FLT4: variants seen among roughly 807,000 people sequenced by gnomAD.
FLT4 encodes vascular endothelial growth factor receptor 3.
FLT4 carries 30 observed loss-of-function variants against 163.2 expected under a neutral mutation model. The observed-to-expected ratio is 0.18, with a 90% confidence interval of 0.14 to 0.25. The LOEUF (loss-of-function observed/expected upper bound fraction) is 0.25. Ranked by LOEUF, FLT4 falls within the 10% of genes least tolerant of loss-of-function variation. The pLI is 1.00. For missense variants in FLT4, 1,510 were observed against 1,863.8 expected (o/e 0.81, Z 3.50); for synonymous variants, 884 against 789.5 (o/e 1.12, Z -2.01).
chr5:180,649,692 TC>T (rs1258870641), upstream of FLT4: 39 of 229,904 alleles, frequency 1.7e-4, no homozygotes, highest in East Asian at 5.2e-3. Context: ...CGCGCCCCCC[TC>T]CCCCCGTCCC....
chr5:180,616,676 G>T (rs922597114), intron 22 of FLT4, among the ~76,000 whole-genome samples, 187 bp from the exon 23 acceptor site: 1 of 152,176 alleles, frequency 6.6e-6, no homozygotes, highest in Non-Finnish European at 1.5e-5. Context: ...GAATTGTGGG[G>T]ACAGCAGAGA....
intron 1 of FLT4, among the ~76,000 whole-genome samples, chr5:180,637,941 T>A (rs567223023): frequency 3.3e-5 from 5 of 152,344 alleles, no homozygotes; most frequent in African/African-American, 1.2e-4. Context: ...CTGTCCCCTC[T>A]GCTAGTCTCC....
intron 29 of FLT4, among the ~76,000 whole-genome samples, chr5:180,603,591 G>A (rs1452195098): frequency 1.3e-5 from 2 of 152,128 alleles, no homozygotes; most frequent in East Asian, 1.9e-4. Context: ...GCACGCCTGC[G>A]GTCCCAGCTA....
Position 180,614,117 on chromosome 5 carries a change from C to T in FLT4, c.3282G>A (p.Gln1094=), listed in dbSNP as rs769605875. 1.5e-5 allele frequency: 25 copies of T among 1,614,116 alleles called. No individual in the cohort carries two copies. Among genetic ancestry groups the T allele is most frequent in the Non-Finnish European group, 2.1e-5 (25 of 1,179,952 alleles). ...ESIFDKVYTT[Q]SDVWSFGVLL... ...GCACCCCAAAGGACCACACGTCACT[C>T]TGCGTGGTGTACACCTTGTCGAAGA... The change falls in exon 24 of 30, where the codon CAG becomes CAA. Residue 1094 remains glutamine, a synonymous_variant. Coordinates refer to ENST00000261937, the MANE Select transcript of FLT4 (RefSeq NM_182925.5).
chr5:180,624,787 T>G (rs1763470480), intron 10 of FLT4, among the ~76,000 whole-genome samples: 1 of 152,230 alleles, frequency 6.6e-6, no homozygotes, highest in African/African-American at 2.4e-5. Context: ...GGCCTCCCTC[T>G]GGGCAGGGTG....
chr5:180,638,754 C>T (rs1249434349), intron 1 of FLT4, among the ~76,000 whole-genome samples: 1 of 152,226 alleles, frequency 6.6e-6, no homozygotes, highest in Non-Finnish European at 1.5e-5. Context: ...ACGGCCTCCT[C>T]ACCCCTACAA....
Position 180,601,925 on chromosome 5 carries a change from G to T in FLT4, c.*1267C>A. 1 of 233,668 alleles carries T rather than the reference G, an allele frequency of 4.3e-6. No homozygotes were observed. Among genetic ancestry groups the T allele is most frequent in the Middle Eastern group, 1.3e-3 (1 of 788 alleles). 14.5% of individuals were successfully genotyped at this position (233,668 alleles called of 1,614,324 possible). A position where few individuals can be genotyped will look rare whatever the true frequency, so the allele number is the denominator to read the frequency against. Reference sequence around the variant, plus strand: ...GTGCGTGGGTTTGGGGGGTCAGGGTGGTGGTCAGTCTCCGTGGTCCTAACG... The same window carrying T: ...GTGCGTGGGTTTGGGGGGTCAGGGTTGTGGTCAGTCTCCGTGGTCCTAACG... On this transcript the variant is annotated 3_prime_UTR_variant, in exon 30 of 30. Coordinates refer to ENST00000261937, the MANE Select transcript of FLT4 (RefSeq NM_182925.5).
intron 1 of FLT4, among the ~76,000 whole-genome samples, chr5:180,634,228 G>A (rs1461988364): frequency 1.3e-5 from 2 of 152,138 alleles, no homozygotes; most frequent in African/African-American, 2.4e-5. Flanking sequence ...CCTCTTTAGG[G>A]TCTAGTTCAG....
chr5:180,601,887 C>T lies in FLT4; in HGVS notation c.*1305G>A, dbSNP rs995695419. Reference sequence around the variant, plus strand: ...CCCTGCCCGCTGCGCGGCGCCTGTCCTGCAAGCGTCTGGTGCGTGGGTTTG... The same window carrying T: ...CCCTGCCCGCTGCGCGGCGCCTGTCTTGCAAGCGTCTGGTGCGTGGGTTTG... On this transcript the variant is annotated 3_prime_UTR_variant, in exon 30 of 30. Transcript: ENST00000261937. The T allele has an allele frequency of 4.3e-6, 1 of 233,406 alleles. No individual in the cohort carries two copies. Among genetic ancestry groups the T allele is most frequent in the South Asian group, 1.8e-4 (1 of 5,530 alleles). 14.5% of individuals were successfully genotyped at this position (233,406 alleles called of 1,614,324 possible).
rs1561730274 is a variant in FLT4, at chr5:180,626,244, C to G, written c.1125G>C (p.Leu375=). ...EFQWYKDGKA[L]SGRHSPHALV... is the part of the protein sequence containing the mutation. ...GGGCATGTGGACTGTGGCGCCCGGA[C>G]AGTGCCTTTCCATCCTTGTACCTGG... The change falls in exon 9 of 30, where the codon CTG becomes CTC. Residue 375 remains leucine (L), a synonymous_variant. Transcript: ENST00000261937. The G allele has an allele frequency of 6.2e-7, 1 of 1,612,648 alleles. No individual in the cohort carries two copies. The highest frequency in any genetic ancestry group is 8.5e-7 in the Non-Finnish European group (1 of 1,179,990).
In FLT4 at chr5:180,630,354, A is replaced by C; in HGVS notation, c.401-17T>G. 1 of 1,603,168 alleles carries C rather than the reference A, an allele frequency of 6.2e-7. No individual in the cohort carries two copies. The highest frequency in any genetic ancestry group is 8.5e-7 in the Non-Finnish European group (1 of 1,176,822). ...GCTCAAAGTCTATGGAGAGGGAGCA[A>C]GCTGTTGGGGAAGGGACGTGGCGGC... On this transcript the variant is annotated splice_polypyrimidine_tract_variant and intron_variant, in intron 3 of 29. Coordinates refer to ENST00000261937, the MANE Select transcript of FLT4 (RefSeq NM_182925.5). This position sits in a 1 kb window ranked among gnomAD's most constrained non-coding sequence, Gnocchi z 6.3.
intron 1 of FLT4, among the ~76,000 whole-genome samples, chr5:180,645,977 A>C (rs1006112130): frequency 1.3e-5 from 2 of 152,082 alleles, no homozygotes; most frequent in African/African-American, 4.8e-5. Flanking sequence ...GTGGAGAGAA[A>C]ACTGCCCTGT....
intron 29 of FLT4, among the ~76,000 whole-genome samples, chr5:180,606,031 G>A (rs13172346): frequency 0.16 from 24,039 of 152,144 alleles, 2,229 homozygotes; most frequent in Middle Eastern, 0.23. Context: ...TTCTCTCCTT[G>A]CACCTGTTTG....
chr5:180,630,432 A>G lies in FLT4; in HGVS notation c.401-95T>C. On this transcript the variant is annotated intron_variant, in intron 3 of 29. Transcript: ENST00000261937. The surrounding 1 kb of genome is among the most constrained non-coding windows in gnomAD (Gnocchi z 6.3). The stretch of plus-strand genomic sequence containing the variant: ...GGGTGGTGCTGGTCCTGAACCAGCC[A>G]CCCGCTGGAGCAGGTAGGGCCCCGT... 6.4e-7 allele frequency: 1 copy of G among 1,556,002 alleles called. No homozygotes were observed.
chr5:180,630,517 G>T lies in FLT4; in HGVS notation c.400+38C>A. On this transcript the variant is annotated intron_variant, in intron 3 of 29. Coordinates refer to ENST00000261937, the MANE Select transcript of FLT4 (RefSeq NM_182925.5). The surrounding 1 kb of genome is among the most constrained non-coding windows in gnomAD (Gnocchi z 6.3). ...GGGGCGGTGTGGGCCCCAGCTGCCC[G>T]GGACCCTGCTCCAGCCTGGCCCGCC... 6.2e-7 allele frequency: 1 copy of T among 1,610,996 alleles called. No individual in the cohort carries two copies. The highest frequency in any genetic ancestry group is 8.5e-7 in the Non-Finnish European group (1 of 1,179,452).
intron 8 of FLT4, among the ~76,000 whole-genome samples, chr5:180,626,722 C>T (rs55897571): frequency 0.076 from 11,638 of 152,298 alleles, 610 homozygotes; most frequent in East Asian, 0.29. Flanking sequence ...TTCTTAGACA[C>T]CTGAAGGAGT....
chr5:180,620,193 G>T lies in FLT4; in HGVS notation c.2522C>A (p.Pro841His). The change falls in exon 17 of 30, where the codon CCC becomes CAC. Residue 841 changes from proline (P) to histidine (H), a missense_variant. Transcript: ENST00000261937. The surrounding 1 kb of genome is among the most constrained non-coding windows in gnomAD (Gnocchi z 4.4). The stretch of plus-strand genomic sequence containing the variant: ...CTCACCCAGGTGCAGCCGCTCTCGG[G>T]GGAATTCCCACTGGCTGGCATCGTA... ...LSYDASQWEF[P>H]RERLHLGRVL... 1 of 1,609,178 alleles carries T rather than the reference G, an allele frequency of 6.2e-7. No homozygotes were observed.
At chr5:180,608,198 G>A (rs921991360) in intron 29 of FLT4, 27 of 700,536 alleles carry the variant, frequency 3.9e-5, no homozygotes, top group African/African-American at 2.4e-4. Flanking sequence ...AAGAAATAGC[G>A]AAAGTCTTAA....
At chr5:180,612,835 C>CCCTCCTGGTGT (rs1403237058) in intron 25 of FLT4, among the ~76,000 whole-genome samples, 176 bp downstream of exon 25, 2 of 152,182 alleles carry the variant, frequency 1.3e-5, no homozygotes, top group East Asian at 1.9e-4. Context: ...GCCCGGCCTT[C>CCCTCCTGGTGT]CCTCCTGGTG....
Sources: allele counts gnomAD v4.1 joint callset (sites outside exome capture counted in the v4.1 genomes callset), GRCh38; gene constraint gnomAD v4.1.1; non-coding constraint Gnocchi (gnomAD v3.1); transcripts MANE v1.5; gene names NCBI Gene and HGNC (gene_info 2026-07-23, HGNC 2026-07-21).